Variants in SGCZ observed in about 807,000 individuals in gnomAD.
SGCZ encodes zeta-sarcoglycan.
A neutral mutation model predicts 41.3 loss-of-function variants in SGCZ; 40 were observed. The observed-to-expected ratio is 0.97, with a 90% CI of 0.75 to 1.26. The LOEUF is 1.26. Ranked by LOEUF, SGCZ falls within the 50% of genes most tolerant of loss-of-function variation. The pLI is 0.00. For missense variants in SGCZ, 552 were observed against 369.8 expected, an observed-to-expected ratio of 1.49 and a Z score of -4.04; for synonymous variants, 206 against 137.5, an observed-to-expected ratio of 1.50 and a Z score of -3.49.
Position 14,992,234 on chromosome 8 carries a change from T to C in SGCZ, c.39+245351A>G, listed in dbSNP as rs972796921. On this transcript the variant is annotated intron_variant, in intron 1 of 7. Transcript: ENST00000382080. ...TCATCCAATCTACTCCCAAATCTAC[T>C]CCCAAAACCAATGTTACCCTTGCTA... Among the ~76,000 whole-genome samples, 42 of 151,632 alleles carry C rather than the reference T, an allele frequency of 2.8e-4. 1 individual carries two copies. Among genetic ancestry groups the C allele is most frequent in the Admixed American group, 2.6e-3 (39 of 15,204 alleles).
chr8:15,223,822 G>A (rs939641619), intron 1 of SGCZ, among the ~76,000 whole-genome samples: 1 of 151,556 alleles, frequency 6.6e-6, no homozygotes, highest in Admixed American at 6.6e-5. Flanking sequence ...ATCATTATGG[G>A]TTGCAGTTGC....
At chr8:14,156,301 T>C (rs1803873782) in intron 5 of SGCZ, among the ~76,000 whole-genome samples, 1 of 151,982 alleles carries the variant, frequency 6.6e-6, no homozygotes, top group Non-Finnish European at 1.5e-5. Flanking sequence ...CTACTAAAAA[T>C]ATAAAAAAGT....
chr8:14,413,017 A>G (rs1321089290), intron 2 of SGCZ, among the ~76,000 whole-genome samples: 3 of 152,022 alleles, frequency 2.0e-5, no homozygotes, highest in Admixed American at 2.0e-4. Flanking sequence ...CAACAGTTAG[A>G]TTTTGCTCCA....
chr8:15,099,257 C>G (rs550933391), intron 1 of SGCZ, among the ~76,000 whole-genome samples: 27 of 152,078 alleles, frequency 1.8e-4, no homozygotes, highest in South Asian at 1.5e-3. Flanking sequence ...AATAGAGCAA[C>G]CAAATATATA....
chr8:14,496,478 G>A (rs768339), intron 2 of SGCZ, among the ~76,000 whole-genome samples: 72,939 of 151,824 alleles, frequency 0.48, 17,653 homozygotes, highest in Admixed American at 0.54. Flanking sequence ...GGGAGTATTT[G>A]GTGCATCTTA....
intron 2 of SGCZ, among the ~76,000 whole-genome samples, chr8:14,543,708 G>A (rs548979524): frequency 1.2e-4 from 19 of 152,118 alleles, no homozygotes; most frequent in Middle Eastern, 3.4e-3. Flanking sequence ...TATTTAGTAC[G>A]GGCAAGGCAA....
chr8:14,525,194 AGACAGAC>A (rs1802910319), intron 2 of SGCZ, among the ~76,000 whole-genome samples: 1 of 104,090 alleles, frequency 9.6e-6, no homozygotes, highest in Admixed American at 9.8e-5. Context: ...ATAGATAGAT[AGACAGAC>A]AGACAGACAG....
chr8:14,294,636 A>T (rs1279161268), intron 3 of SGCZ, among the ~76,000 whole-genome samples: 2 of 152,064 alleles, frequency 1.3e-5, no homozygotes, highest in African/African-American at 4.8e-5. Flanking sequence ...AGTCCAGCTG[A>T]TCCCTTTAAA....
intron 1 of SGCZ, among the ~76,000 whole-genome samples, chr8:14,649,832 G>A (rs28675130): frequency 0.031 from 4,723 of 152,074 alleles, 131 homozygotes; most frequent in Middle Eastern, 0.075. Flanking sequence ...CAGGGCAAAG[G>A]CACACACCTA....
intron 3 of SGCZ, among the ~76,000 whole-genome samples, chr8:14,323,299 T>C (rs1761736003): frequency 6.6e-6 from 1 of 152,064 alleles, no homozygotes; most frequent in African/African-American, 2.4e-5. Context: ...TAAAACATTA[T>C]TTTAGCCTAA....
chr8:14,643,257 T>C (rs1807086261), intron 1 of SGCZ, among the ~76,000 whole-genome samples: 1 of 151,676 alleles, frequency 6.6e-6, no homozygotes, highest in Admixed American at 6.6e-5. Context: ...GTGGTGGCAA[T>C]ATACACATAT....
chr8:14,989,875 GGGA>G lies in SGCZ; in HGVS notation c.39+247707_39+247709del, dbSNP rs547624022. 4.1e-3 allele frequency among the ~76,000 whole-genome samples: 627 copies of G among 152,302 alleles called. 4 individuals carry two copies. Among genetic ancestry groups the G allele is most frequent in the African/African-American group, 0.014 (599 of 41,556 alleles). On this transcript the variant is annotated intron_variant, in intron 1 of 7. Coordinates refer to ENST00000382080, the MANE Select transcript of SGCZ (RefSeq NM_139167.4). The stretch of plus-strand genomic sequence containing the variant: ...AATTCTGGATGAACAATGAAGTGAA[GGGA>G]GGAGGAGAATGTGTGGTACAGAGAC...
intron 1 of SGCZ, among the ~76,000 whole-genome samples, chr8:15,083,570 A>C (rs1321848144): frequency 1.3e-5 from 2 of 152,028 alleles, no homozygotes; most frequent in Non-Finnish European, 2.9e-5. Context: ...TTATTATTAG[A>C]GACAGTATCT....
At chr8:14,629,765 T>C (rs1223175064) in intron 1 of SGCZ, among the ~76,000 whole-genome samples, 1 of 152,126 alleles carries the variant, frequency 6.6e-6, no homozygotes, top group Non-Finnish European at 1.5e-5. Context: ...TTTATGAGCG[T>C]AACAATCTGG....
At chr8:14,406,316 C>CT (rs1256770095) in intron 2 of SGCZ, among the ~76,000 whole-genome samples, 1 of 152,148 alleles carries the variant, frequency 6.6e-6, no homozygotes, top group Non-Finnish European at 1.5e-5. Context: ...ACTCTATTCA[C>CT]TTTCTTATCA....
chr8:14,747,691 A>ATTATTATTATTATTATG (rs571553565), intron 1 of SGCZ, among the ~76,000 whole-genome samples: 1 of 131,722 alleles, frequency 7.6e-6, no homozygotes, highest in Non-Finnish European at 1.6e-5. Context: ...TATTATTATT[A>ATTATTATTATTATTATG]TGTGTGTGTG....
At chr8:14,549,078 C>G (rs1803719307) in intron 2 of SGCZ, among the ~76,000 whole-genome samples, 1 of 151,998 alleles carries the variant, frequency 6.6e-6, no homozygotes, top group Non-Finnish European at 1.5e-5. Flanking sequence ...CCAATGCTGC[C>G]TGTTAATTAC....
chr8:14,996,395 T>G (rs1802221398), intron 1 of SGCZ, among the ~76,000 whole-genome samples: 1 of 152,114 alleles, frequency 6.6e-6, no homozygotes, highest in African/African-American at 2.4e-5. Context: ...TGATGATATT[T>G]TATTTTGTTT....
At chr8:14,254,918 G>A (rs1434477015) in intron 3 of SGCZ, among the ~76,000 whole-genome samples, 1 of 152,136 alleles carries the variant, frequency 6.6e-6, no homozygotes, top group Non-Finnish European at 1.5e-5. Context: ...TTTGCACAAA[G>A]TTCAAAATCT....
Sources: gnomAD v4.1 joint callset for allele counts (sites outside exome capture counted in the v4.1 genomes callset) on GRCh38, gnomAD v4.1.1 for gene constraint, MANE v1.5 for transcripts, NCBI Gene and HGNC (gene_info 2026-07-23, HGNC 2026-07-21) for gene names.